The following MTBP variants were observed in gnomAD, a reference collection of about 807,000 sequenced individuals.
MTBP encodes MDM2 binding protein.
In MTBP, 101 loss-of-function variants were observed where a neutral mutation model predicts 117.0. The observed-to-expected ratio is 0.86, with a 90% CI of 0.73 to 1.02. The LOEUF is 1.02. Among genes scored for constraint, MTBP ranks in the 50% least tolerant of loss-of-function variants. The pLI, the probability that MTBP is intolerant of heterozygous loss-of-function variation, is 0.00. For missense variants in MTBP, 970 were observed against 1,030.9 expected (o/e 0.94, Z 0.81); for synonymous variants, 350 against 351.5 (o/e 1.00, Z 0.05).
chr8:120,483,400 T>A (rs1017571750), intron 11 of MTBP, among the ~76,000 whole-genome samples: 14 of 152,264 alleles, frequency 9.2e-5, no homozygotes, highest in African/African-American at 2.9e-4. Flanking sequence ...TATGAACATA[T>A]ATAATAACTA....
intron 5 of MTBP, 33 bp downstream of exon 5, chr8:120,453,938 A>G (rs1813415625): frequency 2.4e-6 from 3 of 1,245,544 alleles, no homozygotes; most frequent in Non-Finnish European, 3.5e-6. Flanking sequence ...AATAATTTGT[A>G]TCTTATCTTA....
At chr8:120,472,993 G>A (rs1267330003) in intron 11 of MTBP, 13 of 152,088 alleles carry the variant, frequency 8.5e-5, no homozygotes, top group African/African-American at 2.7e-4. Flanking sequence ...GTATCCACTG[G>A]GGATTGGTTC....
chr8:120,510,018 T>C lies in MTBP; in HGVS notation c.1968T>C (p.Tyr656=), dbSNP rs777658719. 7 of 1,608,790 alleles carry C rather than the reference T, an allele frequency of 4.4e-6. No individual in the cohort carries two copies. In the Admixed American group the frequency reaches 5.0e-5, roughly 12 times the overall value. ...LPFEKASVCH[Y]HGIEYCLDDR... ...TTGAGAAAGCCTCAGTATGTCATTA[T>C]CATGGAATTGAGTAAGTTTTTATTT... Residue 656 remains tyrosine (Y), a synonymous_variant, in exon 17 of 22, where the codon TAT becomes TAC. Coordinates refer to ENST00000305949, the MANE Select transcript of MTBP (RefSeq NM_022045.5).
At chr8:120,487,029 A>G (rs1053193676) in intron 11 of MTBP, among the ~76,000 whole-genome samples, 1 of 152,222 alleles carries the variant, frequency 6.6e-6, no homozygotes, top group Non-Finnish European at 1.5e-5. Context: ...AGAGACATAG[A>G]TAACTTTTTA....
intron 2 of MTBP, among the ~76,000 whole-genome samples, chr8:120,448,523 T>A (rs1813273037): frequency 6.6e-6 from 1 of 152,156 alleles, no homozygotes; most frequent in Non-Finnish European, 1.5e-5. Context: ...CACAATTACA[T>A]CCTTTGCTAC....
chr8:120,491,341 C>G (rs1814342402), intron 13 of MTBP, among the ~76,000 whole-genome samples: 1 of 151,994 alleles, frequency 6.6e-6, no homozygotes, highest in African/African-American at 2.4e-5. Context: ...AGTAGCCTAC[C>G]TATTCAATAG....
chr8:120,468,470 G>A (rs754508544), intron 10 of MTBP, among the ~76,000 whole-genome samples: 13 of 152,152 alleles, frequency 8.5e-5, no homozygotes, highest in Non-Finnish European at 1.6e-4. Flanking sequence ...CTTGGAAAGC[G>A]TTTTCTGCAT....
intron 10 of MTBP, among the ~76,000 whole-genome samples, chr8:120,466,842 C>G (rs549742763): frequency 2.0e-5 from 3 of 152,064 alleles, no homozygotes; most frequent in Non-Finnish European, 2.9e-5. Flanking sequence ...CCACTGTACT[C>G]GAGCCTGGGC....
intron 10 of MTBP, among the ~76,000 whole-genome samples, chr8:120,466,383 T>C (rs1338834188): frequency 6.6e-6 from 1 of 151,520 alleles, no homozygotes; most frequent in African/African-American, 2.4e-5. Flanking sequence ...GGCTAATTTT[T>C]TTTTGTATAT....
At position 120,488,283 on chromosome 8, in the gene MTBP, C is replaced by A; in HGVS notation, c.1290C>A (p.Leu430=). 6.4e-7 allele frequency: 1 copy of A among 1,569,760 alleles called. No homozygotes were observed. The highest frequency in any genetic ancestry group is 8.6e-7 in the Non-Finnish European group (1 of 1,164,206). The part of the protein sequence containing the change: ...SANQINGSFA[L]NLIHGKMKTK... ...ACCAGATCAATGGCTCATTTGCACT[C>A]AATTTAATTCATGGAAAGATGAAAA... The change falls in exon 12 of 22, where the codon CTC becomes CTA. Residue 430 remains leucine (L), a synonymous_variant. Coordinates refer to ENST00000305949, the MANE Select transcript of MTBP (RefSeq NM_022045.5).
intron 11 of MTBP, among the ~76,000 whole-genome samples, chr8:120,483,117 G>A (rs1374631565): frequency 6.6e-6 from 1 of 150,790 alleles, no homozygotes; most frequent in Non-Finnish European, 1.5e-5. Flanking sequence ...TCAAAGCTTA[G>A]TCTGATGAAT....
chr8:120,451,367 TAGAC>T (rs1173512050), intron 4 of MTBP, 45 bp downstream of exon 4: 20 of 1,425,264 alleles, frequency 1.4e-5, no homozygotes, highest in South Asian at 2.4e-5. Context: ...TACTTAATAT[TAGAC>T]AGTTATTTTA....
At chr8:120,518,944 G>T in intron 20 of MTBP, 127 bp downstream of exon 20, 2 of 569,586 alleles carry the variant, frequency 3.5e-6, no homozygotes, top group East Asian at 3.0e-5. Flanking sequence ...ATTAAATGAT[G>T]GAGATAGAAA....
At chr8:120,458,251 A>G (rs192951893) in intron 7 of MTBP, among the ~76,000 whole-genome samples, 3 of 152,272 alleles carry the variant, frequency 2.0e-5, no homozygotes, top group African/African-American at 7.2e-5. Context: ...ATCAAATCCC[A>G]ACTCTTTTTT....
At position 120,477,340 on chromosome 8, in the gene MTBP, G is replaced by A. The variant is rs189997139; in HGVS notation, c.1165+6403G>A. 1.5e-3 allele frequency among the ~76,000 whole-genome samples: 225 copies of A among 152,254 alleles called. 2 individuals carry two copies. Among genetic ancestry groups the A allele is most frequent in the African/African-American group, 5.1e-3 (211 of 41,534 alleles). Reference sequence around the variant, plus strand: ...GCAGTACCATTCAGGACATAGGCATGGGCAAAGACTTCATGAGTAAAACAC... The same window carrying A: ...GCAGTACCATTCAGGACATAGGCATAGGCAAAGACTTCATGAGTAAAACAC... On this transcript the variant is annotated intron_variant, in intron 11 of 21. Transcript: ENST00000305949.
chr8:120,456,503 C>A (rs780319687), intron 6 of MTBP, 50 bp from the exon 7 acceptor site: 1 of 1,123,916 alleles, frequency 8.9e-7, no homozygotes, highest in Non-Finnish European at 1.3e-6. Context: ...ATGATTAAAT[C>A]AGTGAAATAT....
chr8:120,460,463 T>G (rs1291954183), intron 8 of MTBP, among the ~76,000 whole-genome samples: 2 of 152,152 alleles, frequency 1.3e-5, no homozygotes, highest in African/African-American at 4.8e-5. Flanking sequence ...TTTACAAGTC[T>G]AAAACTTTGT....
At chr8:120,462,600 A>T (rs901855573) in intron 9 of MTBP, among the ~76,000 whole-genome samples, 6 of 152,180 alleles carry the variant, frequency 3.9e-5, no homozygotes, top group African/African-American at 1.4e-4. Context: ...GTATAACTAG[A>T]CGTTACTTTC....
intron 13 of MTBP, among the ~76,000 whole-genome samples, 192 bp from the exon 14 acceptor site, chr8:120,497,201 C>A (rs1814484765): frequency 6.6e-6 from 1 of 152,144 alleles, no homozygotes; most frequent in Non-Finnish European, 1.5e-5. Context: ...CTGTTTATCT[C>A]ACATAACTGG....
Sources: allele counts gnomAD v4.1 joint callset (sites outside exome capture counted in the v4.1 genomes callset), GRCh38; gene constraint gnomAD v4.1.1; transcripts MANE v1.5; gene names NCBI Gene and HGNC (gene_info 2026-07-23, HGNC 2026-07-21).